The following NUBPL variants were observed in gnomAD, a reference collection of about 807,000 sequenced individuals.
The protein encoded by NUBPL is NUBP iron-sulfur cluster assembly factor, mitochondrial.
NUBPL carries 31 observed loss-of-function variants against 45.7 expected under a neutral mutation model. The ratio of observed to expected loss-of-function variants is 0.68; its 90% CI spans 0.51 to 0.92. The LOEUF is 0.92. Among genes scored for constraint, NUBPL ranks in the 40% least tolerant of loss-of-function variants. The pLI, the probability that NUBPL is intolerant of heterozygous loss-of-function variation, is 0.00. For synonymous variants in NUBPL, 144 were observed against 140.9 expected (o/e 1.02, Z -0.15); for missense variants, 401 against 398.7 (o/e 1.01, Z -0.05).
chr14:31,818,169 AG>A (rs2039954518), intron 7 of NUBPL, among the ~76,000 whole-genome samples: 1 of 151,890 alleles, frequency 6.6e-6, no homozygotes, highest in African/African-American at 2.4e-5. Context: ...ATTCATGTAG[AG>A]ACCTACAAAG....
chr14:31,673,505 T>A lies in NUBPL; in HGVS notation c.444T>A (p.Val148=). Reference sequence around the variant, plus strand: ...GCAGTATGTCTATGGGCTTTCTGGTTGAAGAAAGTGAACCAGTAGTTTGGA... The same window carrying A: ...GCAGTATGTCTATGGGCTTTCTGGTAGAAGAAAGTGAACCAGTAGTTTGGA... ...GIACMSMGFL[V]EESEPVVWRG... is the part of the protein sequence containing the mutation. Residue 148 remains valine (V), a synonymous_variant, in exon 6 of 11, where the codon GTT becomes GTA. Transcript: ENST00000281081. The A allele has an allele frequency of 1.2e-6, 2 of 1,613,940 alleles. No homozygotes were observed.
At chr14:31,836,351 A>G (rs2040281328) in intron 8 of NUBPL, among the ~76,000 whole-genome samples, 1 of 152,212 alleles carries the variant, frequency 6.6e-6, no homozygotes, top group Non-Finnish European at 1.5e-5. Context: ...ATGATTGAGC[A>G]TGCTTACAGC....
intron 4 of NUBPL, among the ~76,000 whole-genome samples, chr14:31,642,672 C>T (rs906809606): frequency 6.6e-6 from 1 of 151,766 alleles, no homozygotes; most frequent in African/African-American, 2.4e-5. Flanking sequence ...TATCCTGGGC[C>T]TTTTGTGGTT....
intron 10 of NUBPL, among the ~76,000 whole-genome samples, chr14:31,855,119 A>C (rs1392480159): frequency 6.6e-6 from 1 of 152,248 alleles, no homozygotes; most frequent in African/African-American, 2.4e-5. Flanking sequence ...AAAAGATTAC[A>C]GAATGATGGC....
At chr14:31,570,031 A>T (rs560893659) in intron 3 of NUBPL, among the ~76,000 whole-genome samples, 1 of 152,326 alleles carries the variant, frequency 6.6e-6, no homozygotes, top group East Asian at 1.9e-4. Flanking sequence ...GAGATTCCTA[A>T]GTCAGTTCAT....
At chr14:31,770,359 C>T (rs1285953614) in intron 6 of NUBPL, among the ~76,000 whole-genome samples, 1 of 152,054 alleles carries the variant, frequency 6.6e-6, no homozygotes, top group Non-Finnish European at 1.5e-5. Context: ...GATGCAATCA[C>T]TGGGGCGTGG....
intron 7 of NUBPL, among the ~76,000 whole-genome samples, chr14:31,804,815 C>T (rs2039654090): frequency 6.6e-6 from 1 of 152,072 alleles, no homozygotes; most frequent in East Asian, 1.9e-4. Flanking sequence ...AAATGTAAAA[C>T]CCAAAACTAT....
intron 4 of NUBPL, among the ~76,000 whole-genome samples, chr14:31,611,847 T>A (rs1417948738): frequency 5.9e-5 from 9 of 152,182 alleles, no homozygotes; most frequent in Non-Finnish European, 1.0e-4. Flanking sequence ...AATAAATTGT[T>A]TTGGGAAAAC....
chr14:31,846,210 C>A (rs779600066), intron 8 of NUBPL: 2 of 418,036 alleles, frequency 4.8e-6, no homozygotes, highest in African/African-American at 4.1e-5. Flanking sequence ...TCAAAGATTT[C>A]TCTTCTTTCT....
At position 31,802,710 on chromosome 14, in the gene NUBPL, T is replaced by G. The variant is rs113387782; in HGVS notation, c.607+14837T>G. On this transcript the variant is annotated intron_variant, in intron 7 of 10. Coordinates refer to ENST00000281081, the MANE Select transcript of NUBPL (RefSeq NM_025152.3). ...TTTTCCTTATAAATTAATTACCCAGTCTCAGATATTGTGTTATGGCAAAAG... is the reference window on the plus strand; with the variant it reads ...TTTTCCTTATAAATTAATTACCCAGGCTCAGATATTGTGTTATGGCAAAAG... 1.7e-3 allele frequency among the ~76,000 whole-genome samples: 263 copies of G among 152,278 alleles called. 1 individual carries two copies. Among genetic ancestry groups the G allele is most frequent in the Middle Eastern group, 3.4e-3 (1 of 294 alleles).
At chr14:31,678,893 C>T (rs1350977788) in intron 6 of NUBPL, among the ~76,000 whole-genome samples, 1 of 152,104 alleles carries the variant, frequency 6.6e-6, no homozygotes, top group Non-Finnish European at 1.5e-5. Flanking sequence ...GCCTAGACTC[C>T]CTTTGAAGTT....
At chr14:31,694,966 A>T (rs1337324746) in intron 6 of NUBPL, among the ~76,000 whole-genome samples, 1 of 152,250 alleles carries the variant, frequency 6.6e-6, no homozygotes, top group African/African-American at 2.4e-5. Context: ...TAAGCAAGAA[A>T]TATAGATATG....
At chr14:31,805,225 C>A (rs2039663057) in intron 7 of NUBPL, among the ~76,000 whole-genome samples, 1 of 152,190 alleles carries the variant, frequency 6.6e-6, no homozygotes, top group South Asian at 2.1e-4. Context: ...TCATCTCACA[C>A]CAGTCAGAAT....
In NUBPL at chr14:31,799,189, G is replaced by C. The variant is rs147733717; in HGVS notation, c.607+11316G>C. Among the ~76,000 whole-genome samples the C allele has an allele frequency of 2.9e-4, 44 of 152,226 alleles. No individual in the cohort carries two copies. The East Asian group carries it at 8.1e-3, about 28-fold the overall frequency. ...ATACAGAAAGTGCAGTATTCTGAGAGAGAATTTTGATATTAGCTAGATACA... is the reference window on the plus strand; with the variant it reads ...ATACAGAAAGTGCAGTATTCTGAGACAGAATTTTGATATTAGCTAGATACA... On this transcript the variant is annotated intron_variant, in intron 7 of 10. Coordinates refer to ENST00000281081, the MANE Select transcript of NUBPL (RefSeq NM_025152.3).
At chr14:31,640,704 TATTA>T (rs1394541359) in intron 4 of NUBPL, among the ~76,000 whole-genome samples, 1 of 152,272 alleles carries the variant, frequency 6.6e-6, no homozygotes, top group South Asian at 2.1e-4. Context: ...TTTATCTGTT[TATTA>T]ATTATTTTGT....
Position 31,746,009 on chromosome 14 carries a change from A to T in NUBPL, c.514-41771A>T, listed in dbSNP as rs1358389657. 2.6e-5 allele frequency among the ~76,000 whole-genome samples: 4 copies of T among 152,008 alleles called. 2 individuals carry two copies. The highest frequency in any genetic ancestry group is 9.7e-5 in the African/African-American group (4 of 41,270). ...GGCGGATGCTGGGGCGGACTCTCTT[A>T]GAAAAGCTGCCCCTCACCCCGCTCA... is the stretch of plus-strand genomic sequence containing the variant. On this transcript the variant is annotated intron_variant, in intron 6 of 10. Coordinates refer to ENST00000281081, the MANE Select transcript of NUBPL (RefSeq NM_025152.3).
At chr14:31,643,376 T>G (rs1298041540) in intron 4 of NUBPL, among the ~76,000 whole-genome samples, 1 of 152,204 alleles carries the variant, frequency 6.6e-6, no homozygotes, top group Non-Finnish European at 1.5e-5. Context: ...TTGAATTTTA[T>G]TGAATGCTTT....
chr14:31,703,032 G>C (rs1042644376), intron 6 of NUBPL: 4 of 152,190 alleles, frequency 2.6e-5, no homozygotes, highest in Non-Finnish European at 5.9e-5. Flanking sequence ...CTGTCTACTA[G>C]AGATTTAGGG....
chr14:31,782,381 C>A (rs1354374334), intron 6 of NUBPL, among the ~76,000 whole-genome samples: 1 of 150,704 alleles, frequency 6.6e-6, no homozygotes, highest in Admixed American at 6.6e-5. Flanking sequence ...GGCGACAGAG[C>A]AAGACTCTGT....
Sources: allele counts gnomAD v4.1 joint callset (sites outside exome capture counted in the v4.1 genomes callset), GRCh38; gene constraint gnomAD v4.1.1; transcripts MANE v1.5; gene names NCBI Gene and HGNC (gene_info 2026-07-23, HGNC 2026-07-21).